NDUFB6: variants seen among roughly 807,000 people sequenced by gnomAD.
The protein encoded by NDUFB6 is NADH dehydrogenase [ubiquinone] 1 beta subcomplex subunit 6.
A neutral mutation model predicts 17.5 loss-of-function variants in NDUFB6; 23 were observed. The observed-to-expected ratio is 1.31, with a 90% CI of 0.94 to 1.86. The LOEUF is 1.86. Ranked by LOEUF, NDUFB6 falls within the 40% of genes most tolerant of loss-of-function variation. The pLI, the probability that NDUFB6 is intolerant of heterozygous loss-of-function variation, is 0.00. For missense variants in NDUFB6, 167 were observed against 153.8 expected (o/e 1.09, Z -0.46); for synonymous variants, 60 against 53.5 (o/e 1.12, Z -0.53).
At chr9:32,558,733 G>A (rs1004684400) in intron 3 of NDUFB6, among the ~76,000 whole-genome samples, 177 bp downstream of exon 3, 85 of 151,520 alleles carry the variant, frequency 5.6e-4, no homozygotes, top group Non-Finnish European at 2.2e-4. Context: ...GTTACCTCAC[G>A]GTATTTCTTC....
chr9:32,558,525 A>AT (rs1263697237), intron 3 of NDUFB6, among the ~76,000 whole-genome samples: 1 of 152,226 alleles, frequency 6.6e-6, no homozygotes, highest in Non-Finnish European at 1.5e-5. Flanking sequence ...TTTGGAATTA[A>AT]TAACAGAAAT....
intron 2 of NDUFB6, among the ~76,000 whole-genome samples, chr9:32,562,880 C>G (rs1236495437): frequency 6.6e-6 from 1 of 152,214 alleles, no homozygotes; most frequent in Non-Finnish European, 1.5e-5. Context: ...AACACCGTCA[C>G]TGTTCTTACA....
chr9:32,566,011 T>C, intron 2 of NDUFB6: 1 of 317,472 alleles, frequency 3.1e-6, no homozygotes, highest in East Asian at 6.4e-5. Flanking sequence ...AGAAATGTAC[T>C]GAAATCAGAT....
chr9:32,564,510 C>T (rs891014697), intron 2 of NDUFB6, among the ~76,000 whole-genome samples: 1 of 95,062 alleles, frequency 1.1e-5, no homozygotes, highest in African/African-American at 4.4e-5. Context: ...AAATATTACA[C>T]TTTTTTAAAA....
In NDUFB6 at chr9:32,555,552, A is replaced by C. The variant is rs114424220; in HGVS notation, c.319-1608T>G. On this transcript the variant is annotated intron_variant, in intron 3 of 3. Transcript: ENST00000379847. ...CTGGCATGAGACACTGACTAGAAGT[A>C]AACACATTAGATGTCTACCAAATAT... is the stretch of plus-strand genomic sequence containing the variant. 5.0e-3 allele frequency among the ~76,000 whole-genome samples: 763 copies of C among 152,384 alleles called. 5 individuals carry two copies. The highest frequency in any genetic ancestry group is 0.017 in the African/African-American group (725 of 41,576).
At chr9:32,571,658 G>A (rs1461939496) in intron 1 of NDUFB6, among the ~76,000 whole-genome samples, 1 of 152,138 alleles carries the variant, frequency 6.6e-6, no homozygotes, top group African/African-American at 2.4e-5. Flanking sequence ...TCCATTCAAG[G>A]AAGGGACAAT....
At chr9:32,554,979 G>C (rs1821416019) in intron 3 of NDUFB6, among the ~76,000 whole-genome samples, 1 of 152,066 alleles carries the variant, frequency 6.6e-6, no homozygotes, top group Non-Finnish European at 1.5e-5. Flanking sequence ...GATGCCTTGG[G>C]AATGTACTTT....
At position 32,571,049 on chromosome 9, in the gene NDUFB6, G is replaced by A. The variant is rs1821930070; in HGVS notation, c.184C>T (p.His62Tyr). 1 of 1,589,800 alleles carries A rather than the reference G, an allele frequency of 6.3e-7. No individual in the cohort carries two copies. Among genetic ancestry groups the A allele is most frequent in the East Asian group, 2.3e-5 (1 of 44,140 alleles). Residue 62 changes from histidine (H) to tyrosine (Y), a missense_variant, in exon 2 of 4, where the codon CAT becomes TAT. Coordinates refer to ENST00000379847, the MANE Select transcript of NDUFB6 (RefSeq NM_002493.5). ...AAGATACTCTTTTTGTATACCCCAT[G>A]GACCTGGGGGGAAAAACACATACAC... ...ENKSPWRKMV[H>Y]GVYKKSIFVF... is the part of the protein sequence containing the mutation.
Position 32,572,969 on chromosome 9 carries a change from C to G in NDUFB6, c.92G>C (p.Arg31Pro), listed in dbSNP as rs141572404. Residue 31 changes from arginine to proline, a missense_variant, in exon 1 of 4, where the codon CGG becomes CCG. Arg to Pro is a moderately radical substitution (Grantham distance 103, BLOSUM62 -2). Transcript: ENST00000379847. ...RWLKDQELSP[R>P]EPVLPPQKMG... ...CTTCTGTGGGGGCAGCACCGGCTCCCGAGGGCTCAGCTCCTGGTCCTTCAG... is the reference window on the plus strand; with the variant it reads ...CTTCTGTGGGGGCAGCACCGGCTCCGGAGGGCTCAGCTCCTGGTCCTTCAG... 6.2e-6 allele frequency: 10 copies of G among 1,611,734 alleles called. No homozygotes were observed. The highest frequency in any genetic ancestry group is 6.8e-6 in the Non-Finnish European group (8 of 1,178,898).
Position 32,553,782 on chromosome 9 carries a change from A to ACC in NDUFB6, c.*93_*94insGG. On this transcript the variant is annotated 3_prime_UTR_variant, in exon 4 of 4. Coordinates refer to ENST00000379847, the MANE Select transcript of NDUFB6 (RefSeq NM_002493.5). ...CAGATATGACAATTTCTGAGATTAA[A>ACC]CTTTATTAAAGTTACTTTTCCAGAA... 4 of 826,542 alleles carry ACC rather than the reference A, an allele frequency of 4.8e-6. No individual in the cohort carries two copies. Among genetic ancestry groups the ACC allele is most frequent in the Non-Finnish European group, 8.0e-6 (4 of 497,132 alleles). 51.2% of individuals were successfully genotyped at this position (826,542 alleles called of 1,614,324 possible). A position where few individuals can be genotyped will look rare whatever the true frequency, so the allele number is the denominator to read the frequency against.
chr9:32,558,115 A>G (rs1382424917), intron 3 of NDUFB6, among the ~76,000 whole-genome samples: 1 of 89,966 alleles, frequency 1.1e-5, no homozygotes, highest in Non-Finnish European at 2.7e-5. Flanking sequence ...TTCATAGTAT[A>G]CATTTTTTTT....
intron 2 of NDUFB6, chr9:32,565,291 C>CAA (rs373202494): frequency 1.8e-4 from 25 of 136,578 alleles, no homozygotes; most frequent in Non-Finnish European, 2.4e-4. Flanking sequence ...GACCCTGTCT[C>CAA]AAAAAAAAAA....
intron 2 of NDUFB6, chr9:32,567,764 G>A (rs1821841209): frequency 3.3e-6 from 1 of 306,450 alleles, no homozygotes; most frequent in African/African-American, 2.2e-5. Context: ...TAAATGTTGT[G>A]TGTTGTGACT....
rs41314205 is a variant in NDUFB6 at position 32,566,428 on chromosome 9, C to G, written c.273+4532G>C. On this transcript the variant is annotated intron_variant, in intron 2 of 3. Coordinates refer to ENST00000379847, the MANE Select transcript of NDUFB6 (RefSeq NM_002493.5). Reference sequence around the variant, plus strand: ...GAAGAGGAGCCTGCTCTCCCTGTTACTGTAGGGGTTGATGGAGTATCTTGA... The same window carrying G: ...GAAGAGGAGCCTGCTCTCCCTGTTAGTGTAGGGGTTGATGGAGTATCTTGA... 9.5e-4 allele frequency: 804 copies of G among 847,208 alleles called. 4 individuals carry two copies. In the African/African-American group the frequency reaches 0.012, roughly 12 times the overall value. The allele number at this position is 847,208 out of a possible 1,614,324, so 52.5% of individuals were successfully genotyped here.
At chr9:32,571,170 C>T in intron 1 of NDUFB6, 118 bp from the exon 2 acceptor site, 1 of 685,924 alleles carries the variant, frequency 1.5e-6, no homozygotes, top group Non-Finnish European at 2.5e-6. Flanking sequence ...CTAAATGGCA[C>T]ATATTTTCTT....
At chr9:32,567,261 T>G in intron 2 of NDUFB6, 1 of 472,642 alleles carries the variant, frequency 2.1e-6, no homozygotes, top group Non-Finnish European at 4.4e-6. Context: ...CGGGAACCGA[T>G]CCCAGAAACT....
rs1222673891 is a variant in NDUFB6, at chr9:32,558,957, G to A, written c.274-3C>T. 6.3e-7 allele frequency: 1 copy of A among 1,575,410 alleles called. No individual in the cohort carries two copies. The highest frequency in any genetic ancestry group is 8.7e-7 in the Non-Finnish European group (1 of 1,148,620). The stretch of plus-strand genomic sequence containing the variant: ...TCAACTATGCCATATGGTTTTTCCT[G>A]TAATAAAAGTTAACTCTGTGTTAAT... On this transcript the variant is annotated splice_region_variant and splice_polypyrimidine_tract_variant and intron_variant, in intron 2 of 3. Transcript: ENST00000379847.
intron 1 of NDUFB6, 116 bp downstream of exon 1, chr9:32,572,765 C>T (rs1454566705): frequency 1.0e-6 from 1 of 977,268 alleles, no homozygotes; most frequent in African/African-American, 1.7e-5. Context: ...GGCCAGTGTC[C>T]CAGAGCACTG....
Position 32,566,787 on chromosome 9 carries a change from T to C in NDUFB6, c.273+4173A>G, listed in dbSNP as rs539763255. 3.8e-5 allele frequency: 35 copies of C among 915,078 alleles called. No individual in the cohort carries two copies. The African/African-American group carries it at 4.7e-4, about 12-fold the overall frequency. The allele number at this position is 915,078 out of a possible 1,614,324, so 56.7% of individuals were successfully genotyped here. ...GTCGGCTGCGACGTTCTGGCTGACG[T>C]TGTACAGGAGGTCGGCCAGCAGTCT... On this transcript the variant is annotated intron_variant, in intron 2 of 3. Coordinates refer to ENST00000379847, the MANE Select transcript of NDUFB6 (RefSeq NM_002493.5).
Sources: gnomAD v4.1 joint callset for allele counts (sites outside exome capture counted in the v4.1 genomes callset) on GRCh38, gnomAD v4.1.1 for gene constraint, MANE v1.5 for transcripts, NCBI Gene and HGNC (gene_info 2026-07-23, HGNC 2026-07-21) for gene names.